ANXA9: variants seen among roughly 807,000 people sequenced by gnomAD.
ANXA9 encodes the protein annexin 31.
Under a neutral mutation model 51.8 loss-of-function variants are expected in ANXA9, and 47 were observed. That is an observed-to-expected ratio of 0.91 (90% CI 0.72 to 1.16). The LOEUF (loss-of-function observed/expected upper bound fraction) is 1.16. Among genes scored for constraint, ANXA9 ranks in the 50% most tolerant of loss-of-function variants. The probability of loss-of-function intolerance (pLI) is 0.00; values close to 1 mark genes in which losing one functional copy is unlikely to be tolerated. For missense variants in ANXA9, 361 were observed against 424.7 expected (o/e 0.85, Z 1.32); for synonymous variants, 154 against 168.7 (o/e 0.91, Z 0.68).
At position 150,993,880 on chromosome 1, in the gene ANXA9, C is replaced by T. The variant is rs12093063; in HGVS notation, c.853-697C>T. On this transcript the variant is annotated intron_variant, in intron 12 of 13. Transcript: ENST00000368947. ...GAACTCCTACCTCAGATGATCCACGCGCCTCATCCTCCCAAAGTGCTGGGA... is the reference window on the plus strand; with the variant it reads ...GAACTCCTACCTCAGATGATCCACGTGCCTCATCCTCCCAAAGTGCTGGGA... Among the ~76,000 whole-genome samples the T allele has an allele frequency of 6.0e-4, 91 of 150,482 alleles. 1 individual carries two copies. Among genetic ancestry groups the T allele is most frequent in the African/African-American group, 2.1e-3 (87 of 40,864 alleles).
At chr1:150,988,056 C>T (rs1422095679) in intron 10 of ANXA9, 35 bp from the exon 11 acceptor site, 4 of 1,613,932 alleles carry the variant, frequency 2.5e-6, no homozygotes, top group Non-Finnish European at 3.4e-6. Context: ...ATTAATCCCC[C>T]ATCCATCTTT....
rs151217131 is a variant in ANXA9 at position 150,994,661 on chromosome 1, A to G, written c.937A>G (p.Arg313Gly). 2.4e-5 allele frequency: 38 copies of G among 1,614,104 alleles called. No individual in the cohort carries two copies. The African/African-American group carries it at 4.9e-4, about 21-fold the overall frequency. The change falls in exon 13 of 14, where the codon AGG becomes GGG. Residue 313 changes from arginine to glycine, a missense_variant. Physicochemically the swap from Arg to Gly is moderately radical, Grantham distance 125. Coordinates refer to ENST00000368947, the MANE Select transcript of ANXA9 (RefSeq NM_003568.3). ...CCTTCTGAGTATCAGAGCTGAGTTC[A>G]GGAAGAAATTTGGGAAGTCCCTCTA... ...TDLLSIRAEFRKKFGKSLYSS... is the reference protein window; with the variant it reads ...TDLLSIRAEFGKKFGKSLYSS...
chr1:150,990,532 A>G (rs1335902516), intron 12 of ANXA9, among the ~76,000 whole-genome samples: 5 of 152,124 alleles, frequency 3.3e-5, no homozygotes, highest in Non-Finnish European at 7.4e-5. Flanking sequence ...ATATCTGGCT[A>G]ATTCTGAATT....
intron 9 of ANXA9, 86 bp from the exon 10 acceptor site, chr1:150,987,776 TGATGATGATA>T (rs1671602424): frequency 1.0e-6 from 1 of 960,854 alleles, no homozygotes; most frequent in Non-Finnish European, 1.6e-6. Flanking sequence ...ATTTCCATCA[TGATGATGATA>T]GATTCTGGAA....
At position 150,984,652 on chromosome 1, in the gene ANXA9, G is replaced by A. The variant is rs142083485; in HGVS notation, c.448G>A (p.Glu150Lys). The A allele has an allele frequency of 8.3e-5, 134 of 1,614,022 alleles. No individual in the cohort carries two copies. The African/African-American group carries it at 1.6e-3, about 20-fold the overall frequency. The change falls in exon 7 of 14, where the codon GAG becomes AAG. Residue 150 changes from glutamate to lysine, a missense_variant. By Grantham distance (56) the Glu-to-Lys change is moderately conservative. Transcript: ENST00000368947. ...CACTCGAACCCCACCCCAGCTGCAG[G>A]AGTGCCTGGCAGTCTACAAACACAG... ...LATRTPPQLQECLAVYKHNFQ... is the reference protein window; with the variant it reads ...LATRTPPQLQKCLAVYKHNFQ...
chr1:150,994,699 G>A lies in ANXA9; in HGVS notation c.975G>A (p.Gln325=). 6.2e-7 allele frequency: 1 copy of A among 1,613,798 alleles called. No individual in the cohort carries two copies. Among genetic ancestry groups the A allele is most frequent in the Non-Finnish European group, 8.5e-7 (1 of 1,179,778 alleles). Residue 325 remains glutamine, a splice_region_variant and synonymous_variant, in exon 13 of 14, where the codon CAG becomes CAA. Transcript: ENST00000368947. Reference sequence around the variant, plus strand: ...GGAAGTCCCTCTACTCTTCTCTCCAGGTGAAACTTGGCTACTTCTTAGCCT... The same window carrying A: ...GGAAGTCCCTCTACTCTTCTCTCCAAGTGAAACTTGGCTACTTCTTAGCCT... The part of the protein sequence containing the change: ...KFGKSLYSSL[Q]DAVKGDCQSA...
intron 5 of ANXA9, 82 bp from the exon 6 acceptor site, chr1:150,984,199 C>G: frequency 6.5e-7 from 1 of 1,535,048 alleles, no homozygotes; most frequent in African/African-American, 1.4e-5. Context: ...TGAAAACCAG[C>G]CAAATCTTCC....
rs768559320 is a variant in ANXA9, at chr1:150,985,190, T to TCACA, written c.472+541_472+544dup. ...ATGTCTCTCTCTCTCTCTCTCTCTC[T>TCACA]CACACACACACACACACACACACAC... On this transcript the variant is annotated intron_variant, in intron 7 of 13. Coordinates refer to ENST00000368947, the MANE Select transcript of ANXA9 (RefSeq NM_003568.3). Among the ~76,000 whole-genome samples the TCACA allele has an allele frequency of 4.0e-3, 585 of 147,034 alleles. 2 individuals carry two copies. The highest frequency in any genetic ancestry group is 6.0e-3 in the Non-Finnish European group (401 of 66,378).
chr1:150,990,465 C>T (rs1390710939), intron 12 of ANXA9, among the ~76,000 whole-genome samples: 1 of 152,016 alleles, frequency 6.6e-6, no homozygotes, highest in East Asian at 1.9e-4. Flanking sequence ...CTTCTGGGTT[C>T]AAGTGATTCT....
In ANXA9 at chr1:150,988,125, G is replaced by A. The variant is rs754385534; in HGVS notation, c.732G>A (p.Glu244=). 1.9e-6 allele frequency: 3 copies of A among 1,614,226 alleles called. No individual in the cohort carries two copies. The highest frequency in any genetic ancestry group is 2.5e-6 in the Non-Finnish European group (3 of 1,180,048). Residue 244 remains glutamate, a synonymous_variant, in exon 11 of 14, where the codon GAG becomes GAA. Coordinates refer to ENST00000368947, the MANE Select transcript of ANXA9 (RefSeq NM_003568.3). ...FDQYQRSTGQ[E]LEEAVQNRFH... ...AGTACCAGCGGAGCACTGGGCAAGA[G>A]CTGGAGGAGGCTGTCCAGAACCGTT...
intron 7 of ANXA9, among the ~76,000 whole-genome samples, chr1:150,985,516 C>G (rs587672218): frequency 4.6e-5 from 7 of 151,956 alleles, no homozygotes; most frequent in East Asian, 1.9e-4. Flanking sequence ...CCCTTCCCCC[C>G]ACCCCTACCT....
intron 9 of ANXA9, among the ~76,000 whole-genome samples, chr1:150,987,402 ACG>A (rs1368731230): frequency 2.9e-4 from 39 of 133,614 alleles, no homozygotes; most frequent in Admixed American, 5.5e-4. Flanking sequence ...ACACACACAC[ACG>A]CACACACACA....
intron 2 of ANXA9, among the ~76,000 whole-genome samples, chr1:150,982,880 T>G (rs1428002679): frequency 6.6e-6 from 1 of 151,862 alleles, no homozygotes; most frequent in Non-Finnish European, 1.5e-5. Flanking sequence ...CCTAAAGGAG[T>G]GGGGAGAGGT....
chr1:150,979,477 C>T (rs1013833271), upstream of ANXA9, among the ~76,000 whole-genome samples: 2 of 152,182 alleles, frequency 1.3e-5, no homozygotes, highest in African/African-American at 2.4e-5. Flanking sequence ...AGGTCAGCCT[C>T]GGGGGCTCCC....
intron 13 of ANXA9, among the ~76,000 whole-genome samples, chr1:150,995,056 C>T (rs587759445): frequency 2.0e-5 from 3 of 152,368 alleles, no homozygotes. Flanking sequence ...CGTGCCACTG[C>T]ACTCCCACCT....
At chr1:150,979,731 GGAAT>G (rs1319170006), upstream of ANXA9, among the ~76,000 whole-genome samples, 5 of 152,272 alleles carry the variant, frequency 3.3e-5, no homozygotes, top group African/African-American at 1.2e-4. Flanking sequence ...AGCCAAGATC[GGAAT>G]TCTTAAGGAG....
upstream of ANXA9, among the ~76,000 whole-genome samples, chr1:150,980,469 G>A (rs899588600): frequency 6.6e-6 from 1 of 151,412 alleles, no homozygotes; most frequent in Non-Finnish European, 1.5e-5. Context: ...CCTCATTTAC[G>A]TGAAATTCTG....
Position 150,986,396 on chromosome 1 carries a change from T to G in ANXA9, c.533T>G (p.Leu178Arg). The change falls in exon 8 of 14, where the codon CTG (leucine) becomes CGG (arginine). Residue 178 changes from leucine (L) to arginine (R), a missense_variant. Physicochemically the swap from Leu to Arg is moderately radical, Grantham distance 102. Coordinates refer to ENST00000368947, the MANE Select transcript of ANXA9 (RefSeq NM_003568.3). Reference protein sequence around the residue: ...TSETSGILQDLLLALAKGGRD... With the variant: ...TSETSGILQDRLLALAKGGRD... ...GAGACCAGTGGCATCTTGCAGGACC[T>G]GCTGTTGGCCCTGGCCAAGGTGAGG... 6.2e-7 allele frequency: 1 copy of G among 1,614,124 alleles called. No individual in the cohort carries two copies. Among genetic ancestry groups the G allele is most frequent in the South Asian group, 1.1e-5 (1 of 91,088 alleles).
upstream of ANXA9, among the ~76,000 whole-genome samples, chr1:150,981,855 G>GC (rs2102785110): frequency 6.6e-6 from 1 of 152,332 alleles, no homozygotes; most frequent in African/African-American, 2.4e-5. Flanking sequence ...AGGCTGGGGT[G>GC]CCCTGCTGGT....
Sources: allele counts gnomAD v4.1 joint callset (sites outside exome capture counted in the v4.1 genomes callset), GRCh38; gene constraint gnomAD v4.1.1; transcripts MANE v1.5; gene names NCBI Gene and HGNC (gene_info 2026-07-23, HGNC 2026-07-21).